LANCL3: variants seen among roughly 807,000 people sequenced by gnomAD.
The protein encoded by LANCL3 is lanC-like protein 3.
In LANCL3, 19 loss-of-function variants were observed where a neutral mutation model predicts 26.5. That is an observed-to-expected ratio of 0.72 (90% CI 0.50 to 1.05). The LOEUF (loss-of-function observed/expected upper bound fraction) is 1.05. Among genes scored for constraint, LANCL3 ranks in the 50% least tolerant of loss-of-function variants. The pLI is 0.00. For synonymous variants in LANCL3, 160 were observed against 166.6 expected (o/e 0.96, Z 0.30); for missense variants, 318 against 362.7 (o/e 0.88, Z 1.00).
chrX:37,585,009 T>C (rs1177649928), intron 1 of LANCL3, among the ~76,000 whole-genome samples: 2 of 112,072 alleles, frequency 1.8e-5, no homozygotes, highest in African/African-American at 6.5e-5. Context: ...TTTGTTCTCA[T>C]TGGTTTCAGA....
chrX:37,668,324 T>C (rs1170467160), intron 4 of LANCL3: 3 of 228,962 alleles, frequency 1.3e-5, no homozygotes, highest in Non-Finnish European at 2.4e-5. Flanking sequence ...TACATAAATA[T>C]ATATATATTT....
At chrX:37,585,493 A>G (rs1337595696) in intron 1 of LANCL3, among the ~76,000 whole-genome samples, 1 of 112,199 alleles carries the variant, frequency 8.9e-6, no homozygotes, top group African/African-American at 3.2e-5. Context: ...TATTGGGTGC[A>G]TATACATTTA....
Position 37,675,893 on chromosome X carries a change from G to C in LANCL3, c.*80G>C, listed in dbSNP as rs1241093944. 5.1e-6 allele frequency: 4 copies of C among 778,694 alleles called. No individual in the cohort carries two copies. In the African/African-American group the frequency reaches 6.6e-5, roughly 13 times the overall value. The allele number at this position is 778,694 out of a possible 1,213,427, so 64.2% of individuals were successfully genotyped here. On this transcript the variant is annotated 3_prime_UTR_variant, in exon 5 of 5. Transcript: ENST00000378619. ...AGTTTCCACATAAGCCACATTCAAT[G>C]GTATCGCAACCATGAGCCTTAACAT...
intron 1 of LANCL3, among the ~76,000 whole-genome samples, chrX:37,626,759 C>T (rs1925326214): frequency 8.9e-6 from 1 of 111,780 alleles, no homozygotes; most frequent in Non-Finnish European, 1.9e-5. Flanking sequence ...GTTTCTGCTG[C>T]CATGTCCCAA....
chrX:37,584,237 T>C lies in LANCL3; in HGVS notation c.573+11794T>C, dbSNP rs188703373. On this transcript the variant is annotated intron_variant, in intron 1 of 4. Coordinates refer to ENST00000378619, the MANE Select transcript of LANCL3 (RefSeq NM_001170331.2). The stretch of plus-strand genomic sequence containing the variant: ...CGGTTTGCCAGCATTTTTTTGAGGA[T>C]TTTTGCCTCGATGTTCATCAGGGAT... 6.8e-3 allele frequency among the ~76,000 whole-genome samples: 747 copies of C among 110,156 alleles called. 6 individuals carry two copies. The highest frequency in any genetic ancestry group is 0.024 in the African/African-American group (714 of 29,345).
chrX:37,654,770 CA>C (rs1290296401), intron 1 of LANCL3, among the ~76,000 whole-genome samples: 16 of 111,858 alleles, frequency 1.4e-4, no homozygotes, highest in African/African-American at 6.5e-5. Flanking sequence ...CCAAGGATAC[CA>C]AAATTATGAG....
intron 3 of LANCL3, among the ~76,000 whole-genome samples, chrX:37,666,910 C>G (rs200669117): frequency 8.9e-6 from 1 of 112,313 alleles, no homozygotes; most frequent in African/African-American, 3.2e-5. Flanking sequence ...ATAATGCTTA[C>G]TAGAGTATGC....
At chrX:37,653,282 G>A (rs1192896866) in intron 1 of LANCL3, among the ~76,000 whole-genome samples, 2 of 110,580 alleles carry the variant, frequency 1.8e-5, no homozygotes, top group Non-Finnish European at 3.8e-5. Flanking sequence ...AAACACACAC[G>A]TACACAGACA....
At chrX:37,577,443 T>C (rs1460043390) in intron 1 of LANCL3, among the ~76,000 whole-genome samples, 1 of 112,574 alleles carries the variant, frequency 8.9e-6, no homozygotes, top group Non-Finnish European at 1.9e-5. Flanking sequence ...GTCAATGATA[T>C]TTTGAGATAC....
At chrX:37,660,536 A>C (rs1241211148) in intron 3 of LANCL3, among the ~76,000 whole-genome samples, 1 of 111,843 alleles carries the variant, frequency 8.9e-6, no homozygotes, top group Non-Finnish European at 1.9e-5. Context: ...ATTTGAAAAA[A>C]AGTTAAATTC....
In LANCL3 at chrX:37,572,003, C is replaced by A. The variant is rs1923591002; in HGVS notation, c.133C>A (p.Leu45Ile). 1 of 1,188,302 alleles carries A rather than the reference C, an allele frequency of 8.4e-7. No homozygotes were observed. The highest frequency in any genetic ancestry group is 1.1e-6 in the Non-Finnish European group (1 of 883,539). Residue 45 changes from leucine (L) to isoleucine (I), a missense_variant, in exon 1 of 5, where the codon CTC becomes ATC. Transcript: ENST00000378619. Reference protein sequence around the residue: ...IERILQELPPLGGGAEARGAT... With the variant: ...IERILQELPPIGGGAEARGAT... ...GCGCATCCTCCAGGAGCTTCCCCCA[C>A]TCGGGGGCGGCGCGGAGGCCCGAGG... is the stretch of plus-strand genomic sequence containing the variant.
At chrX:37,591,518 A>C (rs147317155) in intron 1 of LANCL3, among the ~76,000 whole-genome samples, 262 of 111,552 alleles carry the variant, frequency 2.3e-3, no homozygotes, top group Middle Eastern at 4.6e-3. Context: ...GATGTGGATT[A>C]ATATGGAATT....
At chrX:37,646,330 C>G (rs1207208192) in intron 1 of LANCL3, among the ~76,000 whole-genome samples, 1 of 112,178 alleles carries the variant, frequency 8.9e-6, no homozygotes, top group Non-Finnish European at 1.9e-5. Context: ...TCACTATGCA[C>G]TGTAAGAGTG....
At chrX:37,637,312 G>A (rs1925734220) in intron 1 of LANCL3, among the ~76,000 whole-genome samples, 1 of 111,676 alleles carries the variant, frequency 9.0e-6, no homozygotes, top group South Asian at 3.7e-4. Context: ...TTGCCACATT[G>A]TCCTTACTAA....
In LANCL3 at chrX:37,675,735, C is replaced by T. The variant is rs1390587018; in HGVS notation, c.1185C>T (p.Phe395=). Residue 395 remains phenylalanine, a synonymous_variant, in exon 5 of 5, where the codon TTC becomes TTT. Transcript: ENST00000378619. ...GTATATACAGCTTGTATGAAGGCTT[C>T]TCTGGGACAGTGTGCTTTCTGATTG... The part of the protein sequence containing the change: ...LESIYSLYEG[F]SGTVCFLIDL... The T allele has an allele frequency of 8.6e-7, 1 of 1,159,529 alleles. No individual in the cohort carries two copies. The highest frequency in any genetic ancestry group is 1.8e-5 in the African/African-American group (1 of 55,378).
rs938299898 is a variant in LANCL3 at position 37,684,412 on chromosome X, A to T, written c.*8599A>T. 8.9e-6 allele frequency: 1 copy of T among 112,984 alleles called. No individual in the cohort carries two copies. The highest frequency in any genetic ancestry group is 9.3e-5 in the Admixed American group (1 of 10,734). 9.3% of individuals were successfully genotyped at this position (112,984 alleles called of 1,213,427 possible). ...AATACATTTATGTACAGTACACTTA[A>T]TGTAAAACCTGTGATAATCCTTTGC... On this transcript the variant is annotated 3_prime_UTR_variant, in exon 5 of 5. Transcript: ENST00000378619.
chrX:37,584,229 T>A (rs1319219378), intron 1 of LANCL3, among the ~76,000 whole-genome samples: 4 of 110,624 alleles, frequency 3.6e-5, no homozygotes, highest in East Asian at 5.6e-4. Context: ...CCAGCATTTT[T>A]TTGAGGATTT....
intron 3 of LANCL3, among the ~76,000 whole-genome samples, chrX:37,664,754 T>A (rs1926504255): frequency 9.0e-6 from 1 of 111,294 alleles, no homozygotes; most frequent in South Asian, 3.8e-4. Context: ...TGTCTATTGT[T>A]CCTATCTTTG....
chrX:37,658,577 A>G (rs989762511), intron 2 of LANCL3, among the ~76,000 whole-genome samples: 59 of 112,291 alleles, frequency 5.3e-4, no homozygotes, highest in African/African-American at 1.9e-3. Flanking sequence ...CCTCACAGAC[A>G]CACCCAGAAG....
Sources: gnomAD v4.1 joint callset for allele counts (sites outside exome capture counted in the v4.1 genomes callset) on GRCh38, gnomAD v4.1.1 for gene constraint, MANE v1.5 for transcripts, NCBI Gene and HGNC (gene_info 2026-07-23, HGNC 2026-07-21) for gene names.